Variants in ANKRD26 observed in about 807,000 individuals in gnomAD.
ANKRD26 encodes ankyrin repeat domain 26.
In ANKRD26, 141 loss-of-function variants were observed where a neutral mutation model predicts 208.7. The ratio of observed to expected loss-of-function variants is 0.68; its 90% CI spans 0.59 to 0.78. The LOEUF (loss-of-function observed/expected upper bound fraction) is 0.78, where lower values mean the gene tolerates loss of function less well. ANKRD26 is among the 30% of genes least tolerant of loss of function. ANKRD26 has a pLI of 0.00. For missense variants in ANKRD26, 1,889 were observed against 1,938.7 expected (o/e 0.97, Z 0.48); for synonymous variants, 636 against 660.4 (o/e 0.96, Z 0.57).
At chr10:27,042,578 C>T (rs775138014) in intron 20 of ANKRD26, among the ~76,000 whole-genome samples, 3 of 151,978 alleles carry the variant, frequency 2.0e-5, no homozygotes, top group Middle Eastern at 3.2e-3. Flanking sequence ...ACGGTGAAAC[C>T]CTGTCTCTAC....
intron 9 of ANKRD26, among the ~76,000 whole-genome samples, chr10:27,069,646 G>A (rs1191668539): frequency 1.3e-5 from 2 of 152,094 alleles, no homozygotes; most frequent in Non-Finnish European, 2.9e-5. Context: ...GGATAAATAC[G>A]TTTAGAGTAG....
chr10:26,996,586 T>C (rs1288428043), intron 4 of ANKRD26, among the ~76,000 whole-genome samples: 2 of 152,150 alleles, frequency 1.3e-5, no homozygotes, highest in Admixed American at 6.6e-5. Flanking sequence ...TTCTCTACCA[T>C]TTGGTTTTTC....
chr10:27,098,975 A>G (rs2056557402), intron 1 of ANKRD26, among the ~76,000 whole-genome samples: 1 of 151,932 alleles, frequency 6.6e-6, no homozygotes, highest in Non-Finnish European at 1.5e-5. Context: ...TTCTGTATCT[A>G]TTGCCACTTT....
downstream of ANKRD26, among the ~76,000 whole-genome samples, chr10:27,000,948 C>T (rs1052354362): frequency 4.6e-5 from 7 of 152,204 alleles, no homozygotes; most frequent in Admixed American, 2.6e-4. Flanking sequence ...GCGGAGCTTG[C>T]AGTGAGCCAA....
downstream of ANKRD26, among the ~76,000 whole-genome samples, chr10:26,969,504 C>T (rs1422955115): frequency 6.6e-6 from 1 of 152,146 alleles, no homozygotes; most frequent in Non-Finnish European, 1.5e-5. Flanking sequence ...AATGAAGACT[C>T]CTGTCCTGGA....
At chr10:27,031,504 T>C (rs977009255) in intron 25 of ANKRD26, among the ~76,000 whole-genome samples, 1 of 152,052 alleles carries the variant, frequency 6.6e-6, no homozygotes, top group Non-Finnish European at 1.5e-5. Flanking sequence ...AGACAAAAAG[T>C]AGATGGTGGT....
At chr10:27,047,786 C>T (rs1027555342) in intron 17 of ANKRD26, among the ~76,000 whole-genome samples, 4 of 151,136 alleles carry the variant, frequency 2.6e-5, no homozygotes, top group Non-Finnish European at 5.9e-5. Flanking sequence ...CCCTGTCACC[C>T]AGTTTGGAGT....
At chr10:27,045,384 A>C (rs2054405104) in intron 18 of ANKRD26, among the ~76,000 whole-genome samples, 1 of 151,676 alleles carries the variant, frequency 6.6e-6, no homozygotes, top group African/African-American at 2.4e-5. Context: ...AGATCACGTC[A>C]CTGCACTCCA....
the ANKRD26 span, among the ~76,000 whole-genome samples, chr10:26,963,499 G>T: frequency 1.4e-4 from 22 of 152,284 alleles, no homozygotes; most frequent in East Asian, 4.1e-3. Context: ...AGCTGATGAT[G>T]CTACCATGCT....
intron 25 of ANKRD26, chr10:27,030,264 G>T: frequency 1.9e-6 from 1 of 519,202 alleles, no homozygotes; most frequent in Non-Finnish European, 2.5e-6. Context: ...GTACTTCACA[G>T]AACTTTTGCC....
chr10:27,016,237 G>A (rs139141797), intron 30 of ANKRD26, among the ~76,000 whole-genome samples: 133 of 152,112 alleles, frequency 8.7e-4, no homozygotes, highest in African/African-American at 3.1e-3. Context: ...TGGTCCTCCC[G>A]CCTCAGCCCT....
Position 27,085,257 on chromosome 10 carries a change from C to T in ANKRD26, c.709+1282G>A, listed in dbSNP as rs1348871708. On this transcript the variant is annotated intron_variant, in intron 5 of 33. Coordinates refer to ENST00000376087, the MANE Select transcript of ANKRD26 (RefSeq NM_014915.3). Reference sequence around the variant, plus strand: ...CTGGGGTTACAGGTGTGCGCCACCACGCCCAGCTAATTTTTGTATTTTTAG... The same window carrying T: ...CTGGGGTTACAGGTGTGCGCCACCATGCCCAGCTAATTTTTGTATTTTTAG... 3.6e-4 allele frequency among the ~76,000 whole-genome samples: 55 copies of T among 151,930 alleles called. 1 individual carries two copies. The highest frequency in any genetic ancestry group is 5.9e-5 in the Non-Finnish European group (4 of 67,976).
chr10:26,969,895 T>C (rs1430485690), downstream of ANKRD26, among the ~76,000 whole-genome samples: 1 of 151,638 alleles, frequency 6.6e-6, no homozygotes, highest in African/African-American at 2.4e-5. Context: ...TGTGCCGTGA[T>C]GCGATCTCGG....
chr10:27,017,173 T>C (rs191057830), intron 30 of ANKRD26, among the ~76,000 whole-genome samples: 145 of 152,370 alleles, frequency 9.5e-4, no homozygotes, highest in Middle Eastern at 6.8e-3. Flanking sequence ...TTAAAAATTT[T>C]AAAAAGTGAG....
At chr10:27,020,260 C>T (rs1366488395) in intron 29 of ANKRD26, among the ~76,000 whole-genome samples, 1 of 152,162 alleles carries the variant, frequency 6.6e-6, no homozygotes, top group Admixed American at 6.5e-5. Flanking sequence ...ATATCCATCA[C>T]CTCAAACATT....
chr10:27,030,447 C>T (rs2053828054), intron 25 of ANKRD26: 1 of 985,284 alleles, frequency 1.0e-6, no homozygotes, highest in South Asian at 4.7e-5. Flanking sequence ...AAACAAGGTT[C>T]CCAAATCAAG....
downstream of ANKRD26, among the ~76,000 whole-genome samples, chr10:27,003,605 C>A (rs766295417): frequency 9.1e-4 from 139 of 152,060 alleles, no homozygotes; most frequent in Non-Finnish European, 1.7e-3. Context: ...ATTATTTCAA[C>A]AAATCAAATA....
the ANKRD26 span, among the ~76,000 whole-genome samples, chr10:26,961,743 GATTAA>G: frequency 3.3e-5 from 5 of 152,080 alleles, no homozygotes; most frequent in Non-Finnish European, 7.3e-5. Flanking sequence ...AGGGTCTAGG[GATTAA>G]ATTAGTTACT....
Position 27,100,067 on chromosome 10 carries a change from G to A in ANKRD26, c.242+18C>T. On this transcript the variant is annotated intron_variant, in intron 1 of 33. Coordinates refer to ENST00000376087, the MANE Select transcript of ANKRD26 (RefSeq NM_014915.3). Reference sequence around the variant, plus strand: ...CCTACTCCAGTGGCACTCAGTCCGGGCTTGCGACGCCTATTACCTGTTCAT... The same window carrying A: ...CCTACTCCAGTGGCACTCAGTCCGGACTTGCGACGCCTATTACCTGTTCAT... The A allele has an allele frequency of 6.2e-7, 1 of 1,613,410 alleles. No individual in the cohort carries two copies. The highest frequency in any genetic ancestry group is 1.1e-5 in the South Asian group (1 of 91,044).
Sources: allele counts gnomAD v4.1 joint callset (sites outside exome capture counted in the v4.1 genomes callset), GRCh38; gene constraint gnomAD v4.1.1; transcripts MANE v1.5; gene names NCBI Gene and HGNC (gene_info 2026-07-23, HGNC 2026-07-21).